Variants in DSE observed in about 807,000 individuals in gnomAD.
DSE encodes the protein dermatan sulfate epimerase.
DSE carries 36 observed loss-of-function variants against 84.4 expected under a neutral mutation model. The observed-to-expected ratio is 0.43, with a 90% confidence interval of 0.33 to 0.56. The LOEUF (loss-of-function observed/expected upper bound fraction) is 0.56, where lower values mean the gene tolerates loss of function less well. Ranked by LOEUF, DSE falls within the 20% of genes least tolerant of loss-of-function variation. The pLI is 0.06. For synonymous variants in DSE, 410 were observed against 430.1 expected (o/e 0.95, Z 0.58); for missense variants, 862 against 1,169.6 (o/e 0.74, Z 3.84).
In DSE at chr6:116,316,823, C is replaced by CTATTATTATTAT. The variant is rs1295122719; in HGVS notation, c.-54+57858_-54+57859insTTATTATTATTA. ...ATTTCTTCTTCTACTACTACTACTACTACTATTATTATTATTATTATTATT... is the reference window on the plus strand; with the variant it reads ...ATTTCTTCTTCTACTACTACTACTACTATTATTATTATTACTATTATTATTATTATTATTATT... On this transcript the variant is annotated intron_variant, in intron 2 of 3. Coordinates refer to the DSE transcript ENST00000430252. Among the ~76,000 whole-genome samples the CTATTATTATTAT allele has an allele frequency of 1.5e-3, 136 of 88,342 alleles. 1 individual carries two copies. Among genetic ancestry groups the CTATTATTATTAT allele is most frequent in the South Asian group, 6.7e-3 (12 of 1,798 alleles). The allele number at this position is 88,342 out of a possible 152,430, so 58.0% of individuals were successfully genotyped here.
chr6:116,439,478 A>C lies in DSE; in HGVS notation c.*2133A>C, dbSNP rs1181608669. On this transcript the variant is annotated 3_prime_UTR_variant, in exon 6 of 6. Transcript: ENST00000644252. ...ACCTGGTATTTATTTCCTTAAAAAGAAACTTCCTCAGGCAGTGACTTAAGT... is the reference window on the plus strand; with the variant it reads ...ACCTGGTATTTATTTCCTTAAAAAGCAACTTCCTCAGGCAGTGACTTAAGT... 6.6e-6 allele frequency: 1 copy of C among 151,356 alleles called. No homozygotes were observed. Among genetic ancestry groups the C allele is most frequent in the Non-Finnish European group, 1.5e-5 (1 of 67,896 alleles). The allele number at this position is 151,356 out of a possible 1,614,324, so 9.4% of individuals were successfully genotyped here.
intron 2 of DSE, among the ~76,000 whole-genome samples, chr6:116,318,768 G>A (rs1776137248): frequency 6.6e-6 from 1 of 152,094 alleles, no homozygotes; most frequent in Non-Finnish European, 1.5e-5. Flanking sequence ...TTTTTGGAAG[G>A]AAATACCCAA....
intron 2 of DSE, among the ~76,000 whole-genome samples, chr6:116,339,767 A>G (rs906045789): frequency 1.3e-5 from 2 of 152,344 alleles, no homozygotes; most frequent in Middle Eastern, 3.4e-3. Flanking sequence ...TGAGATGTCT[A>G]TTGCCCATTC....
intron 1 of DSE, chr6:116,256,877 T>C (rs1582898595): frequency 1.3e-5 from 2 of 152,198 alleles, no homozygotes; most frequent in Non-Finnish European, 2.9e-5. Context: ...CTACTGGAAA[T>C]TGGCAATAAA....
At chr6:116,377,847 G>A (rs936952296) in intron 1 of DSE, among the ~76,000 whole-genome samples, 3 of 152,124 alleles carry the variant, frequency 2.0e-5, no homozygotes, top group Admixed American at 6.5e-5. Flanking sequence ...TCTTGAAGCT[G>A]TGCTATTTTT....
At chr6:116,349,149 T>C (rs1381904104) in intron 2 of DSE, among the ~76,000 whole-genome samples, 1 of 152,116 alleles carries the variant, frequency 6.6e-6, no homozygotes, top group Admixed American at 6.6e-5. Context: ...CATATACATA[T>C]ATATCAATAT....
At chr6:116,381,875 C>G (rs1190739278) in intron 1 of DSE, among the ~76,000 whole-genome samples, 1 of 152,112 alleles carries the variant, frequency 6.6e-6, no homozygotes, top group Non-Finnish European at 1.5e-5. Flanking sequence ...GGCTAGAAGT[C>G]TAAAATCTAA....
intron 2 of DSE, among the ~76,000 whole-genome samples, chr6:116,335,643 C>G (rs923892747): frequency 2.6e-5 from 4 of 152,184 alleles, no homozygotes; most frequent in African/African-American, 4.8e-5. Flanking sequence ...TAGAATCAGG[C>G]AACACTTCAT....
At chr6:116,425,147 G>C (rs1783348989) in intron 2 of DSE, among the ~76,000 whole-genome samples, 1 of 151,998 alleles carries the variant, frequency 6.6e-6, no homozygotes, top group African/African-American at 2.4e-5. Flanking sequence ...TTAAATGTTG[G>C]TATTTCATGC....
upstream of DSE, chr6:116,369,967 G>C: frequency 7.8e-7 from 1 of 1,288,380 alleles, no homozygotes; most frequent in South Asian, 1.2e-5. Flanking sequence ...TACAATCTAG[G>C]TCTGGTAGGT....
At chr6:116,292,313 G>T (rs566367769) in intron 2 of DSE, among the ~76,000 whole-genome samples, 1 of 152,248 alleles carries the variant, frequency 6.6e-6, no homozygotes, top group Admixed American at 6.5e-5. Flanking sequence ...TGCAAGGGAA[G>T]AATGGACTTC....
intron 1 of DSE, among the ~76,000 whole-genome samples, 161 bp from the exon 2 acceptor site, chr6:116,399,037 T>C (rs2114993584): frequency 6.6e-6 from 1 of 152,346 alleles, no homozygotes; most frequent in African/African-American, 2.4e-5. Flanking sequence ...AAATCAGAAC[T>C]TTAGTAATTT....
chr6:116,349,338 T>G lies in DSE; in HGVS notation c.-53-49860T>G, dbSNP rs534980422. On this transcript the variant is annotated intron_variant, in intron 2 of 3. Transcript: ENST00000430252. ...CACTTGAGCCAATGAAGTTTCTGTC[T>G]TTTGCCAAAGGATCTCTGTGTGGTA... Among the ~76,000 whole-genome samples the G allele has an allele frequency of 4.6e-5, 7 of 152,324 alleles. No homozygotes were observed. In the South Asian group the frequency reaches 1.2e-3, roughly 27 times the overall value.
In DSE at chr6:116,440,062, T is replaced by C. The variant is rs1171050469; in HGVS notation, c.*2717T>C. 1 of 152,202 alleles carries C rather than the reference T, an allele frequency of 6.6e-6. No individual in the cohort carries two copies. The highest frequency in any genetic ancestry group is 1.5e-5 in the Non-Finnish European group (1 of 68,032). The allele number at this position is 152,202 out of a possible 1,614,324, so 9.4% of individuals were successfully genotyped here. On this transcript the variant is annotated 3_prime_UTR_variant, in exon 6 of 6. Transcript: ENST00000644252. ...CAGAATTTTCAGAGAGAACATTCTTTTGACAACATTGTTTTAATCGTCAAA... is the reference window on the plus strand; with the variant it reads ...CAGAATTTTCAGAGAGAACATTCTTCTGACAACATTGTTTTAATCGTCAAA...
intron 2 of DSE, among the ~76,000 whole-genome samples, chr6:116,323,706 G>A (rs1776461039): frequency 6.6e-6 from 1 of 152,088 alleles, no homozygotes; most frequent in Non-Finnish European, 1.5e-5. Flanking sequence ...TAACAGAAAA[G>A]TAAGAAATAT....
At chr6:116,368,943 CG>C (rs376133129), upstream of DSE, among the ~76,000 whole-genome samples, 9 of 84,396 alleles carry the variant, frequency 1.1e-4, no homozygotes, top group South Asian at 2.0e-3. Flanking sequence ...GGCGGGGGGA[CG>C]GGGGGGGCTT....
intron 2 of DSE, among the ~76,000 whole-genome samples, chr6:116,308,215 C>T (rs1298914833): frequency 1.3e-5 from 2 of 152,318 alleles, no homozygotes; most frequent in East Asian, 1.9e-4. Context: ...TCAACTAATA[C>T]TGCCTGTTAT....
intron 1 of DSE, chr6:116,257,319 G>A (rs774484005): frequency 6.6e-6 from 1 of 152,216 alleles, no homozygotes; most frequent in African/African-American, 2.4e-5. Context: ...GCAAGTGGTA[G>A]AGCCACAATC....
At chr6:116,333,205 A>G (rs1777053248) in intron 2 of DSE, among the ~76,000 whole-genome samples, 2 of 152,302 alleles carry the variant, frequency 1.3e-5, no homozygotes, top group South Asian at 2.1e-4. Context: ...GTCTTAGTCC[A>G]TTTTCTGCTG....
Sources: allele counts gnomAD v4.1 joint callset (sites outside exome capture counted in the v4.1 genomes callset), GRCh38; gene constraint gnomAD v4.1.1; transcripts MANE v1.5; gene names NCBI Gene and HGNC (gene_info 2026-07-23, HGNC 2026-07-21).